Variants in HCN1 observed in about 807,000 individuals in gnomAD.
HCN1 encodes the protein potassium/sodium hyperpolarization-activated cyclic nucleotide-gated channel 1.
Under a neutral mutation model 78.9 loss-of-function variants are expected in HCN1, and 13 were observed. That is an observed-to-expected ratio of 0.16 (90% CI 0.11 to 0.26). The LOEUF is 0.26. Among genes scored for constraint, HCN1 ranks in the 10% least tolerant of loss-of-function variants. The pLI is 1.00. For synonymous variants in HCN1, 552 were observed against 455.5 expected (o/e 1.21, Z -2.70); for missense variants, 810 against 1,154.3 (o/e 0.70, Z 4.32).
chr5:45,685,073 A>T (rs773829099), intron 1 of HCN1, among the ~76,000 whole-genome samples: 1 of 152,216 alleles, frequency 6.6e-6, no homozygotes, highest in South Asian at 2.1e-4. Context: ...TGTCAAATTT[A>T]TAGATTTCTC....
At chr5:45,455,541 G>A (rs1353314433) in intron 3 of HCN1, among the ~76,000 whole-genome samples, 2 of 151,826 alleles carry the variant, frequency 1.3e-5, no homozygotes, top group African/African-American at 4.8e-5. Context: ...TCATTTAAAT[G>A]AAAAAATACA....
intron 2 of HCN1, among the ~76,000 whole-genome samples, chr5:45,491,866 A>G (rs1382226184): frequency 6.6e-6 from 1 of 152,128 alleles, no homozygotes; most frequent in Non-Finnish European, 1.5e-5. Flanking sequence ...GGGGTTCTCT[A>G]TTTTTCATGA....
At chr5:45,375,269 TATATA>T (rs1383039670) in intron 4 of HCN1, among the ~76,000 whole-genome samples, 1 of 117,806 alleles carries the variant, frequency 8.5e-6, no homozygotes, top group African/African-American at 3.4e-5. Context: ...TATTTTATAA[TATATA>T]ATATATTATA....
Position 45,645,435 on chromosome 5 carries a change from T to A in HCN1, c.599A>T (p.Asn200Ile). Residue 200 changes from asparagine to isoleucine, a missense_variant, in exon 2 of 8, where the codon AAT (asparagine) becomes ATT (isoleucine). Asn to Ile is a moderately radical substitution (Grantham distance 149, BLOSUM62 -3). This residue lies in a region of HCN1 where 104 missense variants were observed against 402.8 expected (regional missense o/e 0.26). Coordinates refer to ENST00000303230, the MANE Select transcript of HCN1 (RefSeq NM_021072.4). Reference sequence around the variant, plus strand: ...CAGGATGATTTCAGAACTGTCTTCATTGACAGTCCCAGTCCTAAAATTCAT... The same window carrying A: ...CAGGATGATTTCAGAACTGTCTTCAATGACAGTCCCAGTCCTAAAATTCAT... ...LIMNFRTGTV[N>I]EDSSEIILDP... 6.2e-7 allele frequency: 1 copy of A among 1,613,470 alleles called. No homozygotes were observed.
intron 5 of HCN1, among the ~76,000 whole-genome samples, chr5:45,318,502 T>C (rs562889797): frequency 1.4e-4 from 22 of 152,114 alleles, no homozygotes; most frequent in African/African-American, 4.8e-4. Flanking sequence ...ACATGGCACA[T>C]GTATACATAT....
At chr5:45,374,095 T>TATAATATATATTATATAC (rs1747525084) in intron 4 of HCN1, among the ~76,000 whole-genome samples, 5 of 93,688 alleles carry the variant, frequency 5.3e-5, no homozygotes, top group Non-Finnish European at 1.0e-4. Flanking sequence ...CATATATGTA[T>TATAATATATATTATATAC]ATAATATATA....
chr5:45,405,793 AC>A (rs1483501222), intron 3 of HCN1, among the ~76,000 whole-genome samples: 4 of 152,156 alleles, frequency 2.6e-5, no homozygotes, highest in African/African-American at 9.7e-5. Flanking sequence ...GAGGGTTTAA[AC>A]AGTTTTTAAC....
At chr5:45,284,464 A>C (rs1338079979) in intron 6 of HCN1, among the ~76,000 whole-genome samples, 3 of 152,168 alleles carry the variant, frequency 2.0e-5, no homozygotes, top group African/African-American at 7.2e-5. Flanking sequence ...TATTTAGTTA[A>C]TAGCTAAGTA....
At chr5:45,582,243 A>G (rs1296954862) in intron 2 of HCN1, among the ~76,000 whole-genome samples, 1 of 152,012 alleles carries the variant, frequency 6.6e-6, no homozygotes, top group South Asian at 2.1e-4. Flanking sequence ...TCACTCCCTT[A>G]TAAGTTGGAT....
At chr5:45,463,300 T>C (rs1049801727) in intron 2 of HCN1, among the ~76,000 whole-genome samples, 1 of 152,030 alleles carries the variant, frequency 6.6e-6, no homozygotes, top group African/African-American at 2.4e-5. Flanking sequence ...AACCAAAATC[T>C]GTCTTTAATT....
rs142685027 is a variant in HCN1 at position 45,546,944 on chromosome 5, C to T, written c.850-84937G>A. ...GATTTTCAAATGTATGTTTTCAGTC[C>T]GCATCGTCTTAGTTTCCCTCTCTTC... On this transcript the variant is annotated intron_variant, in intron 2 of 7. Transcript: ENST00000303230. Among the ~76,000 whole-genome samples the T allele has an allele frequency of 1.1e-3, 169 of 151,816 alleles. 4 individuals carry two copies. In the East Asian group the frequency reaches 0.024, roughly 22 times the overall value.
chr5:45,407,326 C>G (rs771845076), intron 3 of HCN1, among the ~76,000 whole-genome samples: 4 of 151,888 alleles, frequency 2.6e-5, no homozygotes, highest in Admixed American at 6.6e-5. Flanking sequence ...CACTACCAGT[C>G]ATATAAAAGT....
Position 45,255,449 on chromosome 5 carries a change from T to TA in HCN1, c.*6471dup, listed in dbSNP as rs1229810401. The TA allele has an allele frequency of 6.6e-6, 1 of 152,214 alleles. No individual in the cohort carries two copies. The highest frequency in any genetic ancestry group is 1.5e-5 in the Non-Finnish European group (1 of 68,052). The allele number at this position is 152,214 out of a possible 1,614,324, so 9.4% of individuals were successfully genotyped here. A position where few individuals can be genotyped will look rare whatever the true frequency, so the allele number is the denominator to read the frequency against. On this transcript the variant is annotated 3_prime_UTR_variant, in exon 8 of 8. Transcript: ENST00000303230. Reference sequence around the variant, plus strand: ...TTGCCCAAAAGCGGACTTCTGTAGGTACAGGGTAAGGCCAAGGACTCTGCA... The same window carrying TA: ...TTGCCCAAAAGCGGACTTCTGTAGGTAACAGGGTAAGGCCAAGGACTCTGCA...
At chr5:45,583,212 T>G (rs1017389597) in intron 2 of HCN1, among the ~76,000 whole-genome samples, 3 of 152,192 alleles carry the variant, frequency 2.0e-5, no homozygotes, top group African/African-American at 7.2e-5. Flanking sequence ...AGCCTGTTTT[T>G]GGTCTATTCA....
rs1170311809 is a variant in HCN1, at chr5:45,583,348, A to G, written c.849+61837T>C. Reference sequence around the variant, plus strand: ...ATAGTATTCTCTGATGGTAGTTTGTATTTCTGTGGGATCAGCGGTGACATC... The same window carrying G: ...ATAGTATTCTCTGATGGTAGTTTGTGTTTCTGTGGGATCAGCGGTGACATC... On this transcript the variant is annotated intron_variant, in intron 2 of 7. Coordinates refer to ENST00000303230, the MANE Select transcript of HCN1 (RefSeq NM_021072.4). 9.9e-4 allele frequency among the ~76,000 whole-genome samples: 150 copies of G among 152,048 alleles called. 1 individual carries two copies. Among genetic ancestry groups the G allele is most frequent in the Non-Finnish European group, 4.4e-5 (3 of 68,002 alleles).
Position 45,696,178 on chromosome 5 carries a change from G to T in HCN1, c.-85C>A. On this transcript the variant is annotated 5_prime_UTR_variant, in exon 1 of 8. Coordinates refer to ENST00000303230, the MANE Select transcript of HCN1 (RefSeq NM_021072.4). ...GAGACACGTAGCCGAGAGGGTAGGG[G>T]CCCGAGCCGGCTGCCGGCGAGCCCA... 2 of 838,730 alleles carry T rather than the reference G, an allele frequency of 2.4e-6. No individual in the cohort carries two copies. The highest frequency in any genetic ancestry group is 3.0e-6 in the Non-Finnish European group (2 of 670,320). 52.0% of individuals were successfully genotyped at this position (838,730 alleles called of 1,614,324 possible).
intron 6 of HCN1, among the ~76,000 whole-genome samples, chr5:45,281,119 T>A (rs956783874): frequency 3.3e-5 from 5 of 152,158 alleles, no homozygotes; most frequent in African/African-American, 1.2e-4. Flanking sequence ...TTGGAGGTTT[T>A]TGTTAGTATG....
chr5:45,607,691 T>G (rs1744750772), intron 2 of HCN1, among the ~76,000 whole-genome samples: 1 of 151,088 alleles, frequency 6.6e-6, no homozygotes, highest in African/African-American at 2.4e-5. Context: ...AGCTGATGGA[T>G]GGTGAAAGCT....
rs1744644654 is a variant in HCN1, at chr5:45,257,592, G to A, written c.*4329C>T. The A allele has an allele frequency of 6.6e-6, 1 of 152,162 alleles. No individual in the cohort carries two copies. Among genetic ancestry groups the A allele is most frequent in the South Asian group, 2.1e-4 (1 of 4,830 alleles). 9.4% of individuals were successfully genotyped at this position (152,162 alleles called of 1,614,324 possible). ...TCTCCATTTGTCCCTGTCAAAGCCT[G>A]AATTGGAAGCAGGGTCAGCATTAGG... On this transcript the variant is annotated 3_prime_UTR_variant, in exon 8 of 8. Transcript: ENST00000303230.
Sources: allele counts gnomAD v4.1 joint callset (sites outside exome capture counted in the v4.1 genomes callset), GRCh38; gene constraint gnomAD v4.1.1; regional missense constraint gnomAD v4.1.1; transcripts MANE v1.5; gene names NCBI Gene and HGNC (gene_info 2026-07-23, HGNC 2026-07-21).